The following PCDH15 variants were observed in gnomAD, a reference collection of about 807,000 sequenced individuals.
The protein encoded by PCDH15 is protocadherin related 15.
PCDH15 carries 129 observed loss-of-function variants against 178.5 expected under a neutral mutation model. That is an observed-to-expected ratio of 0.72 (90% confidence interval 0.63 to 0.84). PCDH15 has a LOEUF of 0.84. Among genes scored for constraint, PCDH15 ranks in the 40% least tolerant of loss-of-function variants. PCDH15 has a pLI of 0.00. For synonymous variants in PCDH15, 800 were observed against 732.0 expected (o/e 1.09, Z -1.50); for missense variants, 2,230 against 2,099.9 (o/e 1.06, Z -1.21).
chr10:54,125,653 A>G (rs1206421307), intron 15 of PCDH15, among the ~76,000 whole-genome samples: 1 of 152,160 alleles, frequency 6.6e-6, no homozygotes, highest in Non-Finnish European at 1.5e-5. Context: ...TTCTAATCCC[A>G]CATCTGCAAC....
intron 1 of PCDH15, among the ~76,000 whole-genome samples, chr10:55,201,342 T>C (rs535322579): frequency 6.6e-6 from 1 of 152,232 alleles, no homozygotes; most frequent in East Asian, 1.9e-4. Flanking sequence ...AGAACCAGCC[T>C]TACTCCTGTT....
chr10:53,810,561 C>T lies in PCDH15; in HGVS notation c.4666G>A (p.Glu1556Lys), dbSNP rs936676303. 1 of 1,612,616 alleles carries T rather than the reference C, an allele frequency of 6.2e-7. No individual in the cohort carries two copies. Among genetic ancestry groups the T allele is most frequent in the African/African-American group, 1.3e-5 (1 of 74,848 alleles). Residue 1556 changes from glutamate (E) to lysine (K), a missense_variant, in exon 37 of 38, where the codon GAA (glutamate) becomes AAA (lysine). Glu to Lys is a moderately conservative substitution (Grantham distance 56). Coordinates refer to ENST00000644397, the MANE Select transcript of PCDH15 (RefSeq NM_001384140.1). ...AATAAAATTACAGTAATTACCTCTTCCTCCTCATATTCTTCCTCAGCTTCA... is the reference window on the plus strand; with the variant it reads ...AATAAAATTACAGTAATTACCTCTTTCTCCTCATATTCTTCCTCAGCTTCA... The part of the protein sequence containing the change: ...VGEAEEEYEE[E>K]EWARKRMIKL...
rs988623981 is a variant in PCDH15, at chr10:55,414,555, A to T, written c.-156+213070T>A. 7.9e-5 allele frequency among the ~76,000 whole-genome samples: 12 copies of T among 151,694 alleles called. No homozygotes were observed. The East Asian group carries it at 1.4e-3, about 17-fold the overall frequency. On this transcript the variant is annotated intron_variant, in intron 2 of 5. Transcript: ENST00000613346. ...ACTTATTTATGTATTCTTCAATTTA[A>T]TTCTCAATGCTTTACAGTTTTCAGT...
chr10:53,855,968 C>A (rs1289996622), intron 28 of PCDH15, among the ~76,000 whole-genome samples: 1 of 141,218 alleles, frequency 7.1e-6, no homozygotes, highest in African/African-American at 2.7e-5. Flanking sequence ...TAAAAAGGAA[C>A]AAAATAATGG....
chr10:54,418,738 G>T (rs1443633579), intron 3 of PCDH15, among the ~76,000 whole-genome samples: 1 of 151,600 alleles, frequency 6.6e-6, no homozygotes, highest in Non-Finnish European at 1.5e-5. Context: ...GGGGTGAGAA[G>T]GCCTATTGAA....
chr10:54,508,299 C>T (rs1277433492), intron 3 of PCDH15, among the ~76,000 whole-genome samples: 3 of 151,896 alleles, frequency 2.0e-5, no homozygotes, highest in Non-Finnish European at 2.9e-5. Context: ...AGAGGCATTG[C>T]AGCATGGTTA....
chr10:55,108,977 T>C (rs535648764), intron 2 of PCDH15, among the ~76,000 whole-genome samples: 3 of 152,170 alleles, frequency 2.0e-5, no homozygotes, highest in Non-Finnish European at 4.4e-5. Flanking sequence ...CAACAGAATC[T>C]TGTGCCTTAA....
At position 54,153,181 on chromosome 10, in the gene PCDH15, G is replaced by A. The variant is rs2133338203; in HGVS notation, c.1703C>T (p.Ala568Val). 6.2e-7 allele frequency: 1 copy of A among 1,613,916 alleles called. No individual in the cohort carries two copies. The highest frequency in any genetic ancestry group is 8.5e-7 in the Non-Finnish European group (1 of 1,179,888). The change falls in exon 14 of 38, where the codon GCT becomes GTT. Residue 568 changes from alanine (A) to valine (V), a missense_variant. Physicochemically the swap from Ala to Val is moderately conservative, Grantham distance 64. Coordinates refer to ENST00000644397, the MANE Select transcript of PCDH15 (RefSeq NM_001384140.1). ...INKTTGLITI[A>V]PGVEMIVGRT... The stretch of plus-strand genomic sequence containing the variant: ...CCCGACTATCATTTCCACCCCTGGA[G>A]CGATGGTGATAAGCCCTGTTGTTTT...
At chr10:54,516,865 G>A (rs542507976) in intron 3 of PCDH15, among the ~76,000 whole-genome samples, 1 of 152,302 alleles carries the variant, frequency 6.6e-6, no homozygotes, top group African/African-American at 2.4e-5. Flanking sequence ...AGATCTCTCG[G>A]CAGAAACTCT....
At chr10:55,486,598 C>T (rs985246934) in intron 2 of PCDH15, among the ~76,000 whole-genome samples, 1 of 151,528 alleles carries the variant, frequency 6.6e-6, no homozygotes, top group African/African-American at 2.4e-5. Flanking sequence ...ACATTGATTC[C>T]TTTCATTCCA....
At chr10:55,423,181 C>T (rs1838666272) in intron 2 of PCDH15, among the ~76,000 whole-genome samples, 1 of 151,674 alleles carries the variant, frequency 6.6e-6, no homozygotes, top group Non-Finnish European at 1.5e-5. Flanking sequence ...AAAAGTTTTG[C>T]TTTATTTGTT....
At chr10:54,842,722 C>A (rs776786587) in intron 3 of PCDH15, among the ~76,000 whole-genome samples, 6 of 151,768 alleles carry the variant, frequency 4.0e-5, no homozygotes, top group Non-Finnish European at 7.4e-5. Flanking sequence ...TGTATACAGT[C>A]AGTAAAATTC....
intron 2 of PCDH15, among the ~76,000 whole-genome samples, chr10:55,040,518 AAC>A (rs1840841045): frequency 6.6e-6 from 1 of 151,962 alleles, no homozygotes; most frequent in African/African-American, 2.4e-5. Flanking sequence ...CAACAACAAC[AAC>A]AACAAAAACA....
chr10:54,585,275 G>C (rs1020465169), intron 2 of PCDH15, among the ~76,000 whole-genome samples: 1 of 151,998 alleles, frequency 6.6e-6, no homozygotes, highest in African/African-American at 2.4e-5. Flanking sequence ...TTTCTGATTT[G>C]GTACTCCCCA....
intron 2 of PCDH15, among the ~76,000 whole-genome samples, chr10:55,035,798 C>CA (rs1307160683): frequency 6.6e-5 from 10 of 151,876 alleles, no homozygotes; most frequent in African/African-American, 2.4e-4. Context: ...ATAATGTAAA[C>CA]AAAATAGAAG....
At chr10:54,046,555 C>T (rs532258996) in intron 18 of PCDH15, among the ~76,000 whole-genome samples, 2 of 151,736 alleles carry the variant, frequency 1.3e-5, no homozygotes, top group East Asian at 1.9e-4. Flanking sequence ...TTACAGGCTT[C>T]GAAAAAAGAC....
At chr10:54,189,255 G>A (rs1053789771) in intron 11 of PCDH15, 310 of 749,078 alleles carry the variant, frequency 4.1e-4, no homozygotes, top group Non-Finnish European at 7.5e-5. Flanking sequence ...ATCCTTATAA[G>A]GGATAATGAA....
intron 13 of PCDH15, among the ~76,000 whole-genome samples, chr10:54,173,984 T>C (rs1028858042): frequency 3.3e-5 from 5 of 152,118 alleles, no homozygotes; most frequent in Non-Finnish European, 5.9e-5. Flanking sequence ...GGGAGCATCA[T>C]AACAAATAAG....
At chr10:55,118,520 C>T (rs1325989089) in intron 2 of PCDH15, among the ~76,000 whole-genome samples, 1 of 152,044 alleles carries the variant, frequency 6.6e-6, no homozygotes, top group Non-Finnish European at 1.5e-5. Context: ...ATCCCAGTGC[C>T]CAAACTGTCT....
Sources: gnomAD v4.1 joint callset for allele counts (sites outside exome capture counted in the v4.1 genomes callset) on GRCh38, gnomAD v4.1.1 for gene constraint, MANE v1.5 for transcripts, NCBI Gene and HGNC (gene_info 2026-07-23, HGNC 2026-07-21) for gene names.